The following PRKN variants were observed in gnomAD, a reference collection of about 807,000 sequenced individuals.
The protein encoded by PRKN is E3 ubiquitin-protein ligase parkin.
A neutral mutation model predicts 59.5 loss-of-function variants in PRKN; 56 were observed. The ratio of observed to expected loss-of-function variants is 0.94; its 90% CI spans 0.76 to 1.18. The LOEUF is 1.18. Among genes scored for constraint, PRKN ranks in the 50% most tolerant of loss-of-function variants. The pLI, the probability that PRKN is intolerant of heterozygous loss-of-function variation, is 0.00. For synonymous variants in PRKN, 250 were observed against 222.1 expected (o/e 1.13, Z -1.12); for missense variants, 657 against 596.4 (o/e 1.10, Z -1.06).
intron 6 of PRKN, among the ~76,000 whole-genome samples, chr6:161,799,229 C>T (rs1321951623): frequency 6.6e-6 from 1 of 152,190 alleles, no homozygotes; most frequent in Non-Finnish European, 1.5e-5. Context: ...AAACACAGGG[C>T]TATCTTTCTG....
intron 7 of PRKN, among the ~76,000 whole-genome samples, chr6:161,707,752 C>T (rs1786567186): frequency 6.6e-6 from 1 of 152,108 alleles, no homozygotes; most frequent in South Asian, 2.1e-4. Flanking sequence ...ATTCAGTGCT[C>T]TAATTCCTGT....
intron 6 of PRKN, among the ~76,000 whole-genome samples, chr6:161,911,001 A>G (rs1034735278): frequency 6.6e-6 from 1 of 152,236 alleles, no homozygotes; most frequent in Non-Finnish European, 1.5e-5. Flanking sequence ...TGGGACACCA[A>G]AATAACTGTG....
chr6:161,559,308 G>T (rs1245843476), intron 8 of PRKN, among the ~76,000 whole-genome samples: 1 of 152,158 alleles, frequency 6.6e-6, no homozygotes, highest in Non-Finnish European at 1.5e-5. Context: ...GGGCTACAAA[G>T]GCTGTTTTCC....
chr6:162,154,988 ATT>A (rs1782443510), intron 4 of PRKN, among the ~76,000 whole-genome samples: 1 of 151,604 alleles, frequency 6.6e-6, no homozygotes. Flanking sequence ...AAACAAAAAA[ATT>A]CAAAAAAAGC....
intron 6 of PRKN, among the ~76,000 whole-genome samples, chr6:161,846,913 T>C (rs994272245): frequency 6.6e-6 from 1 of 152,154 alleles, no homozygotes; most frequent in Non-Finnish European, 1.5e-5. Context: ...CATGAGGAGA[T>C]GAGACTATGG....
At chr6:161,570,353 A>G in intron 7 of PRKN, among the ~76,000 whole-genome samples, 1 of 147,440 alleles carries the variant, frequency 6.8e-6, no homozygotes, top group Middle Eastern at 3.6e-3. Context: ...ATTTATATAT[A>G]ATAATATAAC....
chr6:162,622,332 G>A lies in PRKN; in HGVS notation c.7+105330C>T, dbSNP rs1366702257. ...TGTTTTTTTTTGGTAGCAGAGTCTC[G>A]CTCTGCTCCCCAGGCGAATTTTTGC... is the stretch of plus-strand genomic sequence containing the variant. On this transcript the variant is annotated intron_variant, in intron 1 of 11. Transcript: ENST00000366898. Among the ~76,000 whole-genome samples the A allele has an allele frequency of 5.6e-5, 8 of 143,642 alleles. 1 individual carries two copies. The highest frequency in any genetic ancestry group is 2.9e-4 in the Admixed American group (4 of 13,810). The allele number at this position is 143,642 out of a possible 152,430, so 94.2% of individuals were successfully genotyped here. A position where few individuals can be genotyped will look rare whatever the true frequency, so the allele number is the denominator to read the frequency against.
rs563833572 is a variant in PRKN at position 162,014,944 on chromosome 6, T to G, written c.618+39147A>C. Among the ~76,000 whole-genome samples the G allele has an allele frequency of 1.4e-3, 213 of 152,276 alleles. 1 individual carries two copies. The highest frequency in any genetic ancestry group is 2.6e-3 in the Non-Finnish European group (175 of 68,018). ...CTCCCGGTTTAGGCAACCCCTAGGT[T>G]GTTTCTGGTATTTTTCAATAACAAT... On this transcript the variant is annotated intron_variant, in intron 5 of 11. Coordinates refer to ENST00000366898, the MANE Select transcript of PRKN (RefSeq NM_004562.3).
chr6:161,630,027 T>C (rs949469328), intron 7 of PRKN, among the ~76,000 whole-genome samples: 2 of 152,200 alleles, frequency 1.3e-5, no homozygotes, highest in African/African-American at 4.8e-5. Context: ...GCTGTGTCAA[T>C]GAGCTCACAT....
chr6:161,716,555 C>T (rs1178977717), intron 7 of PRKN, among the ~76,000 whole-genome samples: 4 of 152,152 alleles, frequency 2.6e-5, no homozygotes, highest in Non-Finnish European at 5.9e-5. Flanking sequence ...CATCTGTCAA[C>T]AGGCATTTAC....
intron 6 of PRKN, among the ~76,000 whole-genome samples, chr6:161,861,787 T>A (rs1220150585): frequency 1.3e-5 from 2 of 152,124 alleles, no homozygotes; most frequent in Non-Finnish European, 2.9e-5. Context: ...TGATAGTAAT[T>A]GAAAAATATT....
chr6:162,147,344 G>GAAAAAAAAAAAAAAAAAA (rs767653516), intron 4 of PRKN, among the ~76,000 whole-genome samples: 1 of 42,068 alleles, frequency 2.4e-5, no homozygotes, highest in African/African-American at 7.7e-5. Flanking sequence ...CTCTGTCTCA[G>GAAAAAAAAAAAAAAAAAA]AAAAAAAAAA....
rs983890821 is a variant in PRKN, at chr6:161,584,822, G to A, written c.872-15406C>T. Among the ~76,000 whole-genome samples, 1 of 152,182 alleles carries A rather than the reference G, an allele frequency of 6.6e-6. No individual in the cohort carries two copies. The highest frequency in any genetic ancestry group is 1.5e-5 in the Non-Finnish European group (1 of 68,038). ...TAACAATTGCGGGATGAGTCTCTGT[G>A]CAGCGATTTTTCAGCATGTCAAAAT... On this transcript the variant is annotated intron_variant, in intron 7 of 11. Transcript: ENST00000366898. This position sits in a 1 kb window ranked among gnomAD's most constrained non-coding sequence, Gnocchi z 4.8.
At chr6:161,901,808 GGACGGT>G (rs1777926403) in intron 6 of PRKN, among the ~76,000 whole-genome samples, 1 of 152,180 alleles carries the variant, frequency 6.6e-6, no homozygotes, top group Non-Finnish European at 1.5e-5. Flanking sequence ...GATGGCAAAA[GGACGGT>G]GATTTTGTCC....
At position 161,646,458 on chromosome 6, in the gene PRKN, G is replaced by A. The variant is rs1303818262; in HGVS notation, c.872-77042C>T. ...GTGCGTGCGTGGTGGAGGAGGCGGC[G>A]TATTAGTGACAGTGGTGACTGCGTG... is the stretch of plus-strand genomic sequence containing the variant. On this transcript the variant is annotated intron_variant, in intron 7 of 11. Transcript: ENST00000366898. Among the ~76,000 whole-genome samples the A allele has an allele frequency of 5.3e-5, 6 of 113,460 alleles. 3 individuals carry two copies. The highest frequency in any genetic ancestry group is 1.2e-4 in the African/African-American group (4 of 32,134). The allele number at this position is 113,460 out of a possible 152,430, so 74.4% of individuals were successfully genotyped here.
At chr6:161,776,321 A>C (rs894766362) in intron 7 of PRKN, among the ~76,000 whole-genome samples, 21 of 152,186 alleles carry the variant, frequency 1.4e-4, no homozygotes, top group South Asian at 6.2e-4. Context: ...CAAACCTTTC[A>C]GGATAATTAA....
chr6:162,455,530 G>T (rs769052297), intron 1 of PRKN, among the ~76,000 whole-genome samples: 4 of 152,180 alleles, frequency 2.6e-5, no homozygotes, highest in African/African-American at 4.8e-5. Flanking sequence ...CAAAGGTACA[G>T]TAAAAATATG....
intron 6 of PRKN, among the ~76,000 whole-genome samples, chr6:161,882,446 C>T (rs34486110): frequency 0.33 from 50,575 of 151,932 alleles, 8,730 homozygotes; most frequent in East Asian, 0.42. Flanking sequence ...CGGCAGCTTC[C>T]CTCCGGGCCT....
chr6:162,045,385 A>G (rs2128283086), intron 5 of PRKN, among the ~76,000 whole-genome samples: 1 of 152,314 alleles, frequency 6.6e-6, no homozygotes, highest in African/African-American at 2.4e-5. Flanking sequence ...CCTGAGTATT[A>G]AGGGGAATGA....
Sources: allele counts gnomAD v4.1 joint callset (sites outside exome capture counted in the v4.1 genomes callset), GRCh38; gene constraint gnomAD v4.1.1; non-coding constraint Gnocchi (gnomAD v3.1); transcripts MANE v1.5; gene names NCBI Gene and HGNC (gene_info 2026-07-23, HGNC 2026-07-21).